Variants in NIBAN1 observed in about 807,000 individuals in gnomAD.
NIBAN1 encodes the protein niban apoptosis regulator 1.
A neutral mutation model predicts 75.1 loss-of-function variants in NIBAN1; 81 were observed. That is an observed-to-expected ratio of 1.08 (90% CI 0.90 to 1.30). NIBAN1 has a LOEUF of 1.30. Ranked by LOEUF, NIBAN1 falls within the 50% of genes most tolerant of loss-of-function variation. NIBAN1 has a pLI of 0.00. For synonymous variants in NIBAN1, 436 were observed against 424.8 expected (o/e 1.03, Z -0.32); for missense variants, 1,133 against 1,128.1 (o/e 1.00, Z -0.06).
chr1:184,806,679 C>T (rs1055869013), intron 10 of NIBAN1, among the ~76,000 whole-genome samples: 17 of 151,624 alleles, frequency 1.1e-4, no homozygotes, highest in African/African-American at 3.6e-4. Context: ...AAATGTATCA[C>T]TTAATCCTGC....
intron 1 of NIBAN1, among the ~76,000 whole-genome samples, chr1:184,955,601 T>C (rs1434487345): frequency 2.0e-5 from 3 of 152,154 alleles, no homozygotes; most frequent in Admixed American, 6.5e-5. Context: ...CCTCCCAAAG[T>C]GCTGGGATTA....
At chr1:184,828,993 TC>T (rs1654921983) in intron 6 of NIBAN1, among the ~76,000 whole-genome samples, 1 of 152,028 alleles carries the variant, frequency 6.6e-6, no homozygotes. Context: ...AGAGATAGGG[TC>T]TTGCTATGTT....
intron 4 of NIBAN1, among the ~76,000 whole-genome samples, chr1:184,889,354 G>T (rs1190965976): frequency 6.6e-6 from 1 of 152,146 alleles, no homozygotes; most frequent in Non-Finnish European, 1.5e-5. Flanking sequence ...AAGTGGCACA[G>T]CCAGAACTAG....
intron 1 of NIBAN1, among the ~76,000 whole-genome samples, chr1:184,914,312 C>T (rs1312923034): frequency 2.0e-5 from 3 of 152,194 alleles, no homozygotes; most frequent in Non-Finnish European, 4.4e-5. Flanking sequence ...TAACGGGATT[C>T]CTTCAGAGTA....
At position 184,927,382 on chromosome 1, in the gene NIBAN1, A is replaced by C. The variant is rs1218707824; in HGVS notation, c.56-28073T>G. On this transcript the variant is annotated intron_variant, in intron 1 of 13. Transcript: ENST00000367511. ...CACTTCTGCCATATCTGCATTAGGT[A>C]ATGCTGTGGCTCTTGTAGATTCATA... 2.0e-5 allele frequency among the ~76,000 whole-genome samples: 3 copies of C among 152,198 alleles called. No homozygotes were observed. The East Asian group carries it at 5.8e-4, about 29-fold the overall frequency.
At chr1:184,938,742 G>A (rs908599589) in intron 1 of NIBAN1, among the ~76,000 whole-genome samples, 6 of 152,168 alleles carry the variant, frequency 3.9e-5, no homozygotes, top group Non-Finnish European at 7.3e-5. Flanking sequence ...ATTACATAGT[G>A]CTGAGAGGCA....
At chr1:184,936,533 T>C (rs1657966191) in intron 1 of NIBAN1, among the ~76,000 whole-genome samples, 1 of 152,222 alleles carries the variant, frequency 6.6e-6, no homozygotes, top group South Asian at 2.1e-4. Flanking sequence ...TAAGTCAGTA[T>C]CACTGGGATG....
In NIBAN1 at chr1:184,890,099, G is replaced by C; in HGVS notation, c.433+9C>G. 1.3e-6 allele frequency: 2 copies of C among 1,597,588 alleles called. No individual in the cohort carries two copies. Among genetic ancestry groups the C allele is most frequent in the Non-Finnish European group, 1.7e-6 (2 of 1,165,280 alleles). On this transcript the variant is annotated intron_variant, in intron 4 of 13. Transcript: ENST00000367511. ...ATTTTGCCTTGGAAAAGAATGATCAGCAACTCACCAAGAGGGTCTGGGAAA... is the reference window on the plus strand; with the variant it reads ...ATTTTGCCTTGGAAAAGAATGATCACCAACTCACCAAGAGGGTCTGGGAAA...
intron 6 of NIBAN1, among the ~76,000 whole-genome samples, chr1:184,828,571 C>A (rs1249219167): frequency 6.6e-6 from 1 of 152,108 alleles, no homozygotes; most frequent in African/African-American, 2.4e-5. Flanking sequence ...GAACTATAAT[C>A]CTTACCTGGC....
At chr1:184,942,049 T>C (rs1051157297) in intron 1 of NIBAN1, among the ~76,000 whole-genome samples, 1 of 152,180 alleles carries the variant, frequency 6.6e-6, no homozygotes, top group Non-Finnish European at 1.5e-5. Context: ...AGTATCATAA[T>C]TGTGCCTACA....
intron 1 of NIBAN1, among the ~76,000 whole-genome samples, chr1:184,950,865 G>C (rs749294342): frequency 6.6e-6 from 1 of 152,164 alleles, no homozygotes; most frequent in Non-Finnish European, 1.5e-5. Flanking sequence ...AAAATTACTT[G>C]TAATCCTCAG....
At chr1:184,881,991 A>G (rs1467737327) in intron 5 of NIBAN1, among the ~76,000 whole-genome samples, 1 of 152,148 alleles carries the variant, frequency 6.6e-6, no homozygotes, top group Non-Finnish European at 1.5e-5. Flanking sequence ...GCTCCTGTTT[A>G]AGATGGAGTT....
chr1:184,898,093 T>A (rs1031734704), intron 2 of NIBAN1, among the ~76,000 whole-genome samples: 3 of 152,206 alleles, frequency 2.0e-5, no homozygotes, highest in African/African-American at 4.8e-5. Context: ...CAGGTTGACA[T>A]GATGTGCTCC....
chr1:184,906,553 CA>C (rs1313093477), intron 1 of NIBAN1, among the ~76,000 whole-genome samples: 3 of 152,114 alleles, frequency 2.0e-5, no homozygotes, highest in Non-Finnish European at 4.4e-5. Context: ...TAGCTTGAAT[CA>C]GGGAGGCGGA....
intron 2 of NIBAN1, among the ~76,000 whole-genome samples, chr1:184,898,904 G>C (rs1330248752): frequency 2.0e-5 from 3 of 152,144 alleles, no homozygotes; most frequent in African/African-American, 7.2e-5. Context: ...CTTCACTACA[G>C]AAAGTCAAAT....
intron 3 of NIBAN1, among the ~76,000 whole-genome samples, chr1:184,892,019 T>A (rs1656681386): frequency 6.6e-6 from 1 of 152,152 alleles, no homozygotes; most frequent in Non-Finnish European, 1.5e-5. Flanking sequence ...AACTGCAAGC[T>A]GAGAGAGCAA....
At chr1:184,970,059 C>G (rs1263780448) in intron 1 of NIBAN1, among the ~76,000 whole-genome samples, 1 of 151,150 alleles carries the variant, frequency 6.6e-6, no homozygotes, top group East Asian at 2.0e-4. Flanking sequence ...CCCCCAGCTA[C>G]TAAGGAGGGT....
rs1176422164 is a variant in NIBAN1, at chr1:184,795,069, G to C, written c.2695C>G (p.Pro899Ala). 1 of 1,613,990 alleles carries C rather than the reference G, an allele frequency of 6.2e-7. No individual in the cohort carries two copies. ...HECQWVVEDA[P>A]NPDVLLSHKD... ...TGTGACAGCAGGACATCCGGGTTTG[G>C]AGCATCCTCCACCACCCACTGACAC... is the stretch of plus-strand genomic sequence containing the variant. Residue 899 changes from proline to alanine, a missense_variant, in exon 14 of 14, where the codon CCA (proline) becomes GCA (alanine). By Grantham distance (27) the Pro-to-Ala change is conservative (BLOSUM62 -1). Coordinates refer to ENST00000367511, the MANE Select transcript of NIBAN1 (RefSeq NM_052966.4).
intron 9 of NIBAN1, among the ~76,000 whole-genome samples, chr1:184,810,784 G>C (rs1654354066): frequency 6.6e-6 from 1 of 152,186 alleles, no homozygotes; most frequent in South Asian, 2.1e-4. Context: ...TCTAGGGACT[G>C]CCCGATTTGC....
Sources: allele counts gnomAD v4.1 joint callset (sites outside exome capture counted in the v4.1 genomes callset), GRCh38; gene constraint gnomAD v4.1.1; transcripts MANE v1.5; gene names NCBI Gene and HGNC (gene_info 2026-07-23, HGNC 2026-07-21).